CCDC148: variants seen among roughly 807,000 people sequenced by gnomAD.
CCDC148 encodes coiled-coil domain-containing protein 148.
CCDC148 carries 89 observed loss-of-function variants against 85.7 expected under a neutral mutation model. That is an observed-to-expected ratio of 1.04 (90% CI 0.87 to 1.24). The LOEUF is 1.24. Among genes scored for constraint, CCDC148 ranks in the 50% most tolerant of loss-of-function variants. CCDC148 has a pLI of 0.00. For synonymous variants in CCDC148, 230 were observed against 213.9 expected (o/e 1.08, Z -0.66); for missense variants, 692 against 671.7 (o/e 1.03, Z -0.33).
chr2:158,447,398 A>C (rs537401128), intron 1 of CCDC148: 1 of 152,246 alleles, frequency 6.6e-6, no homozygotes, highest in Non-Finnish European at 1.5e-5. Flanking sequence ...CCTGAACTCC[A>C]GGGATCCTCC....
intron 10 of CCDC148, among the ~76,000 whole-genome samples, chr2:158,231,023 A>G (rs1268657068): frequency 2.0e-5 from 3 of 152,174 alleles, no homozygotes; most frequent in Non-Finnish European, 4.4e-5. Context: ...TGAACACATA[A>G]CACTTGACAA....
At chr2:158,329,639 A>T (rs548261644) in intron 7 of CCDC148, among the ~76,000 whole-genome samples, 35 of 152,146 alleles carry the variant, frequency 2.3e-4, no homozygotes, top group African/African-American at 5.1e-4. Context: ...TTCCTACCCA[A>T]GAGCATGGAA....
chr2:158,276,357 C>T (rs1187299837), intron 9 of CCDC148, among the ~76,000 whole-genome samples: 2 of 152,120 alleles, frequency 1.3e-5, no homozygotes, highest in African/African-American at 4.8e-5. Context: ...TCTCTTGAAC[C>T]TGGGAAGCGG....
intron 11 of CCDC148, among the ~76,000 whole-genome samples, chr2:158,185,766 T>C (rs909518258): frequency 1.3e-5 from 2 of 152,138 alleles, no homozygotes; most frequent in Non-Finnish European, 2.9e-5. Flanking sequence ...CTACCTGACC[T>C]TCTGTAATCC....
intron 1 of CCDC148, among the ~76,000 whole-genome samples, chr2:158,369,670 C>A (rs1196076302): frequency 6.6e-6 from 1 of 152,106 alleles, no homozygotes; most frequent in Non-Finnish European, 1.5e-5. Context: ...ATATATTTCT[C>A]ATGCCTGACT....
chr2:158,438,056 A>C (rs1255571811), intron 1 of CCDC148, among the ~76,000 whole-genome samples: 2 of 152,206 alleles, frequency 1.3e-5, no homozygotes, highest in African/African-American at 4.8e-5. Context: ...TGCCCAAGGT[A>C]ATTTATAGAT....
intron 10 of CCDC148, among the ~76,000 whole-genome samples, chr2:158,232,338 T>C (rs542638773): frequency 6.6e-6 from 1 of 152,254 alleles, no homozygotes; most frequent in Non-Finnish European, 1.5e-5. Flanking sequence ...AATAATGTCA[T>C]GCTATTTTTC....
chr2:158,380,142 T>G (rs1298437004), intron 1 of CCDC148, among the ~76,000 whole-genome samples: 1 of 152,084 alleles, frequency 6.6e-6, no homozygotes, highest in African/African-American at 2.4e-5. Flanking sequence ...ATTTTAGAGA[T>G]TTATCCCAAG....
chr2:158,318,509 G>A (rs577228546), intron 7 of CCDC148, among the ~76,000 whole-genome samples: 29 of 152,226 alleles, frequency 1.9e-4, no homozygotes, highest in South Asian at 4.1e-4. Context: ...TTGGGAATCC[G>A]GTCAGAATAG....
intron 9 of CCDC148, among the ~76,000 whole-genome samples, chr2:158,308,192 C>T (rs1392152078): frequency 6.6e-6 from 1 of 152,174 alleles, no homozygotes; most frequent in Non-Finnish European, 1.5e-5. Flanking sequence ...TGCACTTGTG[C>T]ACTTTACTAC....
chr2:158,251,041 T>C, intron 9 of CCDC148, 129 bp from the exon 10 acceptor site: 1 of 757,952 alleles, frequency 1.3e-6, no homozygotes, highest in Non-Finnish European at 2.0e-6. Flanking sequence ...AAATTCTATG[T>C]GCACATGACT....
intron 1 of CCDC148, among the ~76,000 whole-genome samples, chr2:158,375,893 G>A (rs749307875): frequency 1.3e-5 from 2 of 152,040 alleles, no homozygotes; most frequent in Non-Finnish European, 2.9e-5. Context: ...AGGGGAGCCT[G>A]GGATGTTGTT....
chr2:158,393,063 A>G (rs1030494708), intron 1 of CCDC148, among the ~76,000 whole-genome samples: 3 of 152,280 alleles, frequency 2.0e-5, no homozygotes, highest in Admixed American at 1.3e-4. Flanking sequence ...TTTAAAAAAA[A>G]AAGTTAACAT....
intron 7 of CCDC148, among the ~76,000 whole-genome samples, chr2:158,334,187 C>A (rs1276180334): frequency 6.6e-6 from 1 of 152,120 alleles, no homozygotes; most frequent in Non-Finnish European, 1.5e-5. Context: ...GAGCCTCTAG[C>A]AGTTTATGAA....
intron 1 of CCDC148, among the ~76,000 whole-genome samples, chr2:158,388,424 C>T (rs1395056344): frequency 1.3e-5 from 2 of 152,146 alleles, no homozygotes; most frequent in Non-Finnish European, 2.9e-5. Context: ...GATTCCAAAC[C>T]CAGCTCTAAC....
At chr2:158,255,669 G>T (rs184417777) in intron 9 of CCDC148, among the ~76,000 whole-genome samples, 32 of 151,808 alleles carry the variant, frequency 2.1e-4, no homozygotes, top group African/African-American at 7.7e-4. Context: ...TAGCACAGAA[G>T]AACATTTTAG....
intron 7 of CCDC148, among the ~76,000 whole-genome samples, chr2:158,323,733 T>C (rs1242754239): frequency 1.3e-5 from 2 of 152,126 alleles, no homozygotes; most frequent in African/African-American, 4.8e-5. Context: ...ACAGAGCTTT[T>C]AAGATGGGGT....
At chr2:158,272,150 G>A (rs958928431) in intron 9 of CCDC148, among the ~76,000 whole-genome samples, 6 of 152,170 alleles carry the variant, frequency 3.9e-5, no homozygotes, top group African/African-American at 9.7e-5. Context: ...CAAGCTTAAA[G>A]ACAGCATTCC....
At chr2:158,301,042 A>G (rs1265562004) in intron 9 of CCDC148, among the ~76,000 whole-genome samples, 1 of 152,092 alleles carries the variant, frequency 6.6e-6, no homozygotes, top group African/African-American at 2.4e-5. Flanking sequence ...ACTTTTTTGT[A>G]GAGGCAGGGT....
Sources: gnomAD v4.1 joint callset for allele counts (sites outside exome capture counted in the v4.1 genomes callset) on GRCh38, gnomAD v4.1.1 for gene constraint, MANE v1.5 for transcripts, NCBI Gene and HGNC (gene_info 2026-07-23, HGNC 2026-07-21) for gene names.